Variants in SYP observed in about 807,000 individuals in gnomAD.
SYP encodes synaptophysin, also known as major synaptic vesicle protein P38.
Under a neutral mutation model 24.3 loss-of-function variants are expected in SYP, and 2 were observed. The observed-to-expected ratio is 0.08, with a 90% CI of 0.03 to 0.26. The LOEUF (loss-of-function observed/expected upper bound fraction) is 0.26, where lower values mean the gene tolerates loss of function less well. Ranked by LOEUF, SYP falls within the 10% of genes least tolerant of loss-of-function variation. The probability of loss-of-function intolerance (pLI) is 1.00; values close to 1 mark genes in which losing one functional copy is unlikely to be tolerated. For synonymous variants in SYP, 143 were observed against 123.2 expected, an observed-to-expected ratio of 1.16 and a Z score of -1.07; for missense variants, 216 against 266.3, an observed-to-expected ratio of 0.81 and a Z score of 1.32.
intron 1 of SYP, 53 bp downstream of exon 1, chrX:49,200,098 G>C: frequency 8.6e-7 from 1 of 1,159,179 alleles, no homozygotes; most frequent in East Asian, 3.3e-5. Flanking sequence ...TGAGCGACCC[G>C]GCCTAGGCAG....
rs781945050 is a variant in SYP, at chrX:49,191,625, C to T, written c.754G>A (p.Asp252Asn). The T allele has an allele frequency of 3.3e-6, 4 of 1,206,474 alleles. No homozygotes were observed. The highest frequency in any genetic ancestry group is 3.5e-5 in the African/African-American group (2 of 57,405). Residue 252 changes from aspartate (D) to asparagine (N), a missense_variant, in exon 6 of 7, where the codon GAT becomes AAT. Physicochemically the swap from Asp to Asn is conservative, Grantham distance 23. Coordinates refer to ENST00000263233, the MANE Select transcript of SYP (RefSeq NM_003179.3). ...KQPAPGDAYG[D>N]AGYGQGPGGY... Reference sequence around the variant, plus strand: ...CCGGGGCCCTGCCCGTAGCCTGCATCGCCGTAGGCGTCCCCGGGTGCCGGT... The same window carrying T: ...CCGGGGCCCTGCCCGTAGCCTGCATTGCCGTAGGCGTCCCCGGGTGCCGGT...
At chrX:49,194,560 C>T (rs1197426921) in intron 3 of SYP, among the ~76,000 whole-genome samples, 199 bp from the exon 4 acceptor site, 2 of 111,369 alleles carry the variant, frequency 1.8e-5, no homozygotes, top group Non-Finnish European at 3.8e-5. Context: ...TCATCCCTCA[C>T]TCCAACCCAA....
Position 49,197,723 on chromosome X carries a change from G to A in SYP, c.219C>T (p.Tyr73=). ...SDLSIEVEFE[Y]PFRLHQVYFD... ...CCAGGGTGGGAGCACACCTGAAGGG[G>A]TACTCGAACTCGACCTCGATGCTGA... is the stretch of plus-strand genomic sequence containing the variant. Residue 73 remains tyrosine, a synonymous_variant, in exon 3 of 7, where the codon TAC becomes TAT. Transcript: ENST00000263233. 1 of 1,207,906 alleles carries A rather than the reference G, an allele frequency of 8.3e-7. No individual in the cohort carries two copies.
Position 49,200,189 on chromosome X carries a change from G to A in SYP, c.-3C>T. Reference sequence around the variant, plus strand: ...TCCATGTCCGCCAGCAGCAGCATCAGCAATGCAGGGGGCGGGAGGCTCGGC... The same window carrying A: ...TCCATGTCCGCCAGCAGCAGCATCAACAATGCAGGGGGCGGGAGGCTCGGC... On this transcript the variant is annotated 5_prime_UTR_variant, in exon 1 of 7. Transcript: ENST00000263233. The A allele has an allele frequency of 8.6e-7, 1 of 1,163,941 alleles. No individual in the cohort carries two copies. The highest frequency in any genetic ancestry group is 2.6e-5 in the Admixed American group (1 of 38,662).
chrX:49,197,541 C>T lies in SYP; in HGVS notation c.227+174G>A, dbSNP rs1030798396. The T allele has an allele frequency of 1.5e-5, 10 of 680,060 alleles. No individual in the cohort carries two copies. In the Admixed American group the frequency reaches 2.9e-4, roughly 19 times the overall value. The allele number at this position is 680,060 out of a possible 1,213,427, so 56.0% of individuals were successfully genotyped here. The stretch of plus-strand genomic sequence containing the variant: ...CAGCCTATGTCTGCCTTGCTCACCA[C>T]ATAGTCCTAGAGTCCAGAGCAGTGC... On this transcript the variant is annotated intron_variant, in intron 3 of 6. Coordinates refer to ENST00000263233, the MANE Select transcript of SYP (RefSeq NM_003179.3).
chrX:49,191,612 C>T lies in SYP; in HGVS notation c.767G>A (p.Gly256Glu). 8.3e-7 allele frequency: 1 copy of T among 1,209,123 alleles called. No homozygotes were observed. The highest frequency in any genetic ancestry group is 1.1e-6 in the Non-Finnish European group (1 of 894,377). Residue 256 changes from glycine (G) to glutamate (E), a missense_variant, in exon 6 of 7, where the codon GGG becomes GAG. Physicochemically the swap from Gly to Glu is moderately conservative, Grantham distance 98. Around this residue, in one of 2 missense-constraint regions of SYP, gnomAD observed 114 missense variants for 107.9 expected, o/e 1.06. Coordinates refer to ENST00000263233, the MANE Select transcript of SYP (RefSeq NM_003179.3). ...GGGCCCGTACCCGCCGGGGCCCTGC[C>T]CGTAGCCTGCATCGCCGTAGGCGTC... ...PGDAYGDAGY[G>E]QGPGGYGPQD...
intron 2 of SYP, chrX:49,198,191 T>G (rs983457185): frequency 3.3e-5 from 9 of 274,110 alleles, no homozygotes; most frequent in Middle Eastern, 1.1e-3. Flanking sequence ...TTTGTCTCTC[T>G]GTGTCTCTGA....
intron 3 of SYP, 142 bp downstream of exon 3, chrX:49,197,573 C>T: frequency 1.1e-6 from 1 of 890,102 alleles, no homozygotes; most frequent in Non-Finnish European, 1.6e-6. Context: ...GTGCCAGGTA[C>T]AAGGCAGGTG....
chrX:49,191,905 G>A (rs1416188095), intron 5 of SYP, 142 bp from the exon 6 acceptor site: 3 of 687,492 alleles, frequency 4.4e-6, no homozygotes, highest in Non-Finnish European at 4.4e-6. Flanking sequence ...GTCCCAGTGC[G>A]AGAACGTCGA....
chrX:49,200,045 C>T (rs1442824320), intron 1 of SYP, 106 bp downstream of exon 1: 1 of 1,024,571 alleles, frequency 9.8e-7, no homozygotes, highest in Non-Finnish European at 1.3e-6. Context: ...GACCGGGTCT[C>T]CGCTGCCAGA....
chrX:49,197,544 A>C (rs1557103453), intron 3 of SYP, 171 bp downstream of exon 3: 12 of 678,848 alleles, frequency 1.8e-5, no homozygotes, highest in Non-Finnish European at 2.4e-5. Context: ...CTCACCACAT[A>C]GTCCTAGAGT....
At chrX:49,196,246 C>CT (rs1197425431) in intron 3 of SYP, among the ~76,000 whole-genome samples, 6 of 111,515 alleles carry the variant, frequency 5.4e-5, no homozygotes, top group Non-Finnish European at 1.1e-4. Flanking sequence ...TCTCCCTTGC[C>CT]TTTGTGGACC....
At chrX:49,192,892 A>G (rs1438665248) in intron 5 of SYP, among the ~76,000 whole-genome samples, 1 of 111,951 alleles carries the variant, frequency 8.9e-6, no homozygotes, top group African/African-American at 3.3e-5. Context: ...CAAGAGGTAG[A>G]GCTGGGATTT....
chrX:49,191,327 C>G, intron 6 of SYP, 106 bp downstream of exon 6: 1 of 950,726 alleles, frequency 1.1e-6, no homozygotes, highest in Non-Finnish European at 1.5e-6. Context: ...TTACTTGCCC[C>G]AGTAAACGCC....
chrX:49,193,650 A>G (rs970694472), intron 4 of SYP, among the ~76,000 whole-genome samples, 187 bp from the exon 5 acceptor site: 1 of 112,945 alleles, frequency 8.9e-6, no homozygotes, highest in African/African-American at 3.2e-5. Context: ...TGTACATGAC[A>G]CAGAGGATGT....
At position 49,194,220 on chromosome X, in the gene SYP, G is replaced by A. The variant is rs181206463; in HGVS notation, c.369C>T (p.Ala123=). The change falls in exon 4 of 7, where the codon GCC becomes GCT. Residue 123 remains alanine, a synonymous_variant. Coordinates refer to ENST00000263233, the MANE Select transcript of SYP (RefSeq NM_003179.3). ...FAFLYSMGAL[A]TYIFLQNKYR... ...ACTTGTTCTGCAGGAAGATGTAGGT[G>A]GCCAGAGCCCCCATGGAGTAGAGGA... is the stretch of plus-strand genomic sequence containing the variant. 1 of 1,209,532 alleles carries A rather than the reference G, an allele frequency of 8.3e-7. No homozygotes were observed. Among genetic ancestry groups the A allele is most frequent in the Non-Finnish European group, 1.1e-6 (1 of 895,140 alleles).
Position 49,193,354 on chromosome X carries a change from T to C in SYP, c.533A>G (p.Lys178Arg). The C allele has an allele frequency of 8.2e-7, 1 of 1,212,250 alleles. No homozygotes were observed. The highest frequency in any genetic ancestry group is 1.1e-6 in the Non-Finnish European group (1 of 895,541). Residue 178 changes from lysine (K) to arginine (R), a missense_variant, in exon 5 of 7, where the codon AAG becomes AGG. Physicochemically the swap from Lys to Arg is conservative, Grantham distance 26 (BLOSUM62 2). This residue lies in a region of SYP where 102 missense variants were observed against 158.4 expected (regional missense o/e 0.64). Transcript: ENST00000263233. ...KMATDPENII[K>R]EMPVCRQTGN... is the part of the protein sequence containing the mutation. ...TGTCTGGCGGCAGACAGGCATCTCC[T>C]TGATAATGTTCTCTGGGTCTGTGGC...
At chrX:49,197,951 T>C in intron 2 of SYP, 112 bp from the exon 3 acceptor site, 1 of 1,021,838 alleles carries the variant, frequency 9.8e-7, no homozygotes, top group Non-Finnish European at 1.4e-6. Context: ...GATGGAGCAG[T>C]CCCCACCCCC....
chrX:49,198,059 C>T (rs781833529), intron 2 of SYP: 5 of 439,949 alleles, frequency 1.1e-5, no homozygotes, highest in Non-Finnish European at 2.0e-5. Context: ...TCTGTCTCTG[C>T]CTTTCCATGC....
Sources: gnomAD v4.1 joint callset for allele counts (sites outside exome capture counted in the v4.1 genomes callset) on GRCh38, gnomAD v4.1.1 for gene constraint, gnomAD v4.1.1 regional missense constraint, MANE v1.5 for transcripts, NCBI Gene and HGNC (gene_info 2026-07-23, HGNC 2026-07-21) for gene names.